Variants in MECOM observed in about 807,000 individuals in gnomAD.
MECOM encodes MDS1 and EVI1 complex locus.
MECOM carries 13 observed loss-of-function variants against 116.3 expected under a neutral mutation model. The ratio of observed to expected loss-of-function variants is 0.11; its 90% CI spans 0.07 to 0.18. The LOEUF (loss-of-function observed/expected upper bound fraction) is 0.18. MECOM is among the 10% of genes least tolerant of loss of function. The probability of loss-of-function intolerance (pLI) is 1.00; values close to 1 mark genes in which losing one functional copy is unlikely to be tolerated. For synonymous variants in MECOM, 528 were observed against 535.2 expected (o/e 0.99, Z 0.19); for missense variants, 1,299 against 1,509.0 (o/e 0.86, Z 2.31).
chr3:169,361,745 C>G (rs1429862167), intron 2 of MECOM, among the ~76,000 whole-genome samples: 1 of 151,642 alleles, frequency 6.6e-6, no homozygotes, highest in East Asian at 2.0e-4. Flanking sequence ...GCTCTTGGTC[C>G]ATGTGTTATA....
intron 2 of MECOM, among the ~76,000 whole-genome samples, chr3:169,272,721 C>T (rs1759104053): frequency 1.3e-5 from 2 of 152,182 alleles, no homozygotes; most frequent in South Asian, 4.2e-4. Context: ...CTGGCCGGCC[C>T]CTGTGACCTT....
At chr3:169,539,697 C>T (rs1421009) in intron 1 of MECOM, among the ~76,000 whole-genome samples, 1 of 151,870 alleles carries the variant, frequency 6.6e-6, no homozygotes, top group Non-Finnish European at 1.5e-5. Context: ...CATGCTCTGC[C>T]CAGTAGCCAG....
chr3:169,654,027 A>G (rs1285946625), intron 1 of MECOM, among the ~76,000 whole-genome samples: 1 of 152,236 alleles, frequency 6.6e-6, no homozygotes, highest in African/African-American at 2.4e-5. Context: ...TAATGCTTAT[A>G]TGCATGGTTC....
intron 1 of MECOM, among the ~76,000 whole-genome samples, chr3:169,544,324 TAA>T (rs890910577): frequency 6.6e-6 from 1 of 152,192 alleles, no homozygotes; most frequent in African/African-American, 2.4e-5. Context: ...AGTAACTGAT[TAA>T]AAAGTCAGAC....
At chr3:169,517,041 T>A (rs997606516) in intron 1 of MECOM, among the ~76,000 whole-genome samples, 4 of 152,208 alleles carry the variant, frequency 2.6e-5, no homozygotes, top group African/African-American at 7.2e-5. Context: ...AGTAATCTAT[T>A]GTCATCATGG....
chr3:169,222,910 G>A (rs1161113334), intron 2 of MECOM, among the ~76,000 whole-genome samples: 2 of 152,028 alleles, frequency 1.3e-5, no homozygotes, highest in South Asian at 2.1e-4. Context: ...AATAATGAAC[G>A]GTGCCTTCTT....
intron 1 of MECOM, among the ~76,000 whole-genome samples, chr3:169,421,310 T>C (rs535147219): frequency 6.6e-6 from 1 of 152,198 alleles, no homozygotes; most frequent in Non-Finnish European, 1.5e-5. Context: ...CAATTGTACA[T>C]GCTAGAATTT....
rs115905072 is a variant in MECOM at position 169,125,782 on chromosome 3, C to T, written c.830+2062G>A. On this transcript the variant is annotated intron_variant, in intron 5 of 16. Coordinates refer to ENST00000651503, the MANE Select transcript of MECOM (RefSeq NM_004991.4). ...CTTGATCAGACTTTTGAGTTCTTTT[C>T]AGTTCTTTTCACCTTTTGCACATTG... Among the ~76,000 whole-genome samples the T allele has an allele frequency of 1.8e-3, 281 of 152,196 alleles. 2 individuals are homozygous for T. The highest frequency in any genetic ancestry group is 3.4e-3 in the Middle Eastern group (1 of 294).
chr3:169,474,887 T>G (rs1044116493), intron 1 of MECOM, among the ~76,000 whole-genome samples: 4 of 152,210 alleles, frequency 2.6e-5, no homozygotes, highest in Non-Finnish European at 5.9e-5. Flanking sequence ...GCCTACCTCA[T>G]AAAATCTGTA....
At chr3:169,432,618 A>G (rs552321320) in intron 1 of MECOM, among the ~76,000 whole-genome samples, 1 of 152,366 alleles carries the variant, frequency 6.6e-6, no homozygotes, top group South Asian at 2.1e-4. Flanking sequence ...CATCATGTGG[A>G]TAAATTATTT....
intron 2 of MECOM, among the ~76,000 whole-genome samples, chr3:169,247,100 C>T (rs773712578): frequency 3.3e-5 from 5 of 151,918 alleles, no homozygotes; most frequent in South Asian, 4.1e-4. Flanking sequence ...CAATTACAAC[C>T]GTATCTTTAT....
intron 1 of MECOM, among the ~76,000 whole-genome samples, chr3:169,381,826 G>C (rs1012184199): frequency 2.6e-5 from 4 of 152,126 alleles, no homozygotes; most frequent in Admixed American, 2.6e-4. Context: ...TTATTGGTCT[G>C]ACTAAAGTAC....
intron 1 of MECOM, among the ~76,000 whole-genome samples, chr3:169,494,706 G>C (rs956663740): frequency 3.3e-5 from 5 of 152,230 alleles, no homozygotes; most frequent in Non-Finnish European, 7.3e-5. Context: ...GTAGAGGACA[G>C]TGAGGGACCC....
chr3:169,288,923 C>A (rs1173766454), intron 2 of MECOM, among the ~76,000 whole-genome samples: 1 of 152,160 alleles, frequency 6.6e-6, no homozygotes, highest in Non-Finnish European at 1.5e-5. Flanking sequence ...TCAACACAGT[C>A]CACTAACACC....
At chr3:169,106,562 A>G (rs1367232302) in intron 10 of MECOM, among the ~76,000 whole-genome samples, 1 of 152,146 alleles carries the variant, frequency 6.6e-6, no homozygotes, top group Non-Finnish European at 1.5e-5. Context: ...CTGTGACTCA[A>G]TGGAATGGGA....
intron 1 of MECOM, among the ~76,000 whole-genome samples, chr3:169,618,834 A>G (rs1041579780): frequency 1.3e-5 from 2 of 152,176 alleles, no homozygotes; most frequent in Non-Finnish European, 2.9e-5. Context: ...TCAATTAAAT[A>G]TTTGCTCAGT....
intron 2 of MECOM, among the ~76,000 whole-genome samples, chr3:169,289,420 C>T (rs1309634015): frequency 1.3e-5 from 2 of 152,150 alleles, no homozygotes; most frequent in Non-Finnish European, 2.9e-5. Flanking sequence ...TTTTTATGTC[C>T]TAATTAATCA....
At chr3:169,343,784 A>C (rs1397311222) in intron 2 of MECOM, among the ~76,000 whole-genome samples, 1 of 152,140 alleles carries the variant, frequency 6.6e-6, no homozygotes, top group Non-Finnish European at 1.5e-5. Flanking sequence ...AAATCTTTTT[A>C]AGGGACCAAC....
intron 16 of MECOM, chr3:169,086,422 C>T (rs1717760871): frequency 3.3e-6 from 2 of 613,742 alleles, no homozygotes. Flanking sequence ...AGAGTTAAAA[C>T]AAATTCTGAT....
Sources: gnomAD v4.1 joint callset for allele counts (sites outside exome capture counted in the v4.1 genomes callset) on GRCh38, gnomAD v4.1.1 for gene constraint, MANE v1.5 for transcripts, NCBI Gene and HGNC (gene_info 2026-07-23, HGNC 2026-07-21) for gene names.